Variants in TRIM36 observed in about 807,000 individuals in gnomAD.
The protein encoded by TRIM36 is E3 ubiquitin-protein ligase TRIM36.
Under a neutral mutation model 72.4 loss-of-function variants are expected in TRIM36, and 42 were observed. That is an observed-to-expected ratio of 0.58 (90% confidence interval 0.45 to 0.75). The LOEUF (loss-of-function observed/expected upper bound fraction) is 0.75, where lower values mean the gene tolerates loss of function less well. TRIM36 is among the 30% of genes least tolerant of loss of function. The probability of loss-of-function intolerance (pLI) is 0.00; values close to 1 mark genes in which losing one functional copy is unlikely to be tolerated. For synonymous variants in TRIM36, 315 were observed against 282.8 expected (o/e 1.11, Z -1.14); for missense variants, 913 against 857.1 (o/e 1.07, Z -0.81).
intron 1 of TRIM36, among the ~76,000 whole-genome samples, chr5:115,176,624 A>G (rs1755352284): frequency 6.6e-6 from 1 of 152,252 alleles, no homozygotes; most frequent in Admixed American, 6.5e-5. Flanking sequence ...ACAAAGAGAT[A>G]TACTAAAATT....
In TRIM36 at chr5:115,147,075, T is replaced by C. The variant is rs147965425; in HGVS notation, c.582A>G (p.Arg194=). 238 of 1,610,096 alleles carry C rather than the reference T, an allele frequency of 1.5e-4. No homozygotes were observed. The African/African-American group carries it at 2.7e-3, about 18-fold the overall frequency. ...HEYVGPTTNF[R]PKILMCPEHE... is the part of the protein sequence containing the mutation. ...TAATAAAAACTTCACTTACCTTGGG[T>C]CTGAAGTTAGTAGTTGGACCAACAT... The change falls in exon 3 of 10, where the codon AGA becomes AGG. Residue 194 remains arginine (R), a synonymous_variant. Coordinates refer to ENST00000513154, the MANE Select transcript of TRIM36 (RefSeq NM_001300759.2).
chr5:115,170,380 G>A (rs1755049136), upstream of TRIM36, among the ~76,000 whole-genome samples: 1 of 152,198 alleles, frequency 6.6e-6, no homozygotes, highest in Non-Finnish European at 1.5e-5. Context: ...TCGAAGCCCC[G>A]CTTCCAGGCT....
At chr5:115,140,735 ATCAT>A (rs1753232361) in intron 5 of TRIM36, among the ~76,000 whole-genome samples, 1 of 152,158 alleles carries the variant, frequency 6.6e-6, no homozygotes, top group African/African-American at 2.4e-5. Flanking sequence ...GCAGCTGCAG[ATCAT>A]TCATTCTTAT....
chr5:115,161,127 T>C (rs1249559099), intron 2 of TRIM36, among the ~76,000 whole-genome samples: 6 of 151,998 alleles, frequency 3.9e-5, no homozygotes, highest in Non-Finnish European at 1.5e-5. Flanking sequence ...GTGTTCGTGA[T>C]AAAGGACTAT....
Position 115,126,751 on chromosome 5 carries a change from T to C in TRIM36, c.1903A>G (p.Lys635Glu), listed in dbSNP as rs1261886385. 11 of 1,614,020 alleles carry C rather than the reference T, an allele frequency of 6.8e-6. No individual in the cohort carries two copies. The highest frequency in any genetic ancestry group is 9.3e-6 in the Non-Finnish European group (11 of 1,180,026). The change falls in exon 10 of 10, where the codon AAG (lysine) becomes GAG (glutamate). Residue 635 changes from lysine to glutamate, a missense_variant. Physicochemically the swap from Lys to Glu is moderately conservative, Grantham distance 56. Transcript: ENST00000513154. ...TIGMQKFFIP[K>E]SPTSSNEPEN... is the part of the protein sequence containing the mutation. ...GGTTCATTAGAAGAAGTAGGTGACT[T>C]GGGTATAAAAAATTTCTGCATGCCT...
chr5:115,170,034 A>C (rs1205908105), upstream of TRIM36: 1 of 991,716 alleles, frequency 1.0e-6, no homozygotes, highest in Non-Finnish European at 1.2e-6. Context: ...TGGGGCTGGT[A>C]GGCCGGGTGT....
intron 2 of TRIM36, among the ~76,000 whole-genome samples, chr5:115,154,126 C>G (rs976522072): frequency 2.0e-5 from 3 of 151,934 alleles, no homozygotes; most frequent in Non-Finnish European, 4.4e-5. Flanking sequence ...TTTAAAAATT[C>G]TTCAAGCTGC....
At chr5:115,160,675 C>A (rs113052683) in intron 2 of TRIM36, among the ~76,000 whole-genome samples, 1 of 152,016 alleles carries the variant, frequency 6.6e-6, no homozygotes, top group East Asian at 1.9e-4. Context: ...TTCTTCTCCA[C>A]AAAAAAAATT....
intron 2 of TRIM36, among the ~76,000 whole-genome samples, chr5:115,154,021 A>G (rs1406839724): frequency 6.6e-6 from 1 of 152,214 alleles, no homozygotes; most frequent in Non-Finnish European, 1.5e-5. Context: ...AATCAACTCC[A>G]CAAGGAAACT....
At position 115,147,054 on chromosome 5, in the gene TRIM36, A is replaced by G; in HGVS notation, c.588+15T>C. The G allele has an allele frequency of 6.3e-7, 1 of 1,591,918 alleles. No homozygotes were observed. The highest frequency in any genetic ancestry group is 1.1e-5 in the South Asian group (1 of 88,364). On this transcript the variant is annotated intron_variant, in intron 3 of 9. Transcript: ENST00000513154. ...AGTTAAAATAACATTCTAACTTAAT[A>G]AAAACTTCACTTACCTTGGGTCTGA...
chr5:115,147,592 C>G (rs1293960262), intron 2 of TRIM36, among the ~76,000 whole-genome samples, 198 bp from the exon 3 acceptor site: 1 of 152,050 alleles, frequency 6.6e-6, no homozygotes, highest in African/African-American at 2.4e-5. Context: ...CCCAAGTTAT[C>G]AAATCAAACA....
At chr5:115,163,412 A>C in intron 2 of TRIM36, 106 bp downstream of exon 2, 1 of 936,432 alleles carries the variant, frequency 1.1e-6, no homozygotes, top group Non-Finnish European at 1.6e-6. Context: ...CACCTGGAAA[A>C]ATTAACTCTC....
chr5:115,177,467 C>T, intron 1 of TRIM36: 2 of 1,136,958 alleles, frequency 1.8e-6, no homozygotes, highest in Non-Finnish European at 2.2e-6. Flanking sequence ...TTATTCTTTA[C>T]ATTACAAACC....
intron 2 of TRIM36, among the ~76,000 whole-genome samples, chr5:115,158,202 A>G (rs1318156244): frequency 6.6e-6 from 1 of 151,832 alleles, no homozygotes; most frequent in African/African-American, 2.4e-5. Flanking sequence ...ATGCAATTTT[A>G]TACATCAAAC....
intron 2 of TRIM36, among the ~76,000 whole-genome samples, chr5:115,158,861 C>T (rs1421264751): frequency 2.0e-5 from 3 of 152,084 alleles, no homozygotes; most frequent in South Asian, 2.1e-4. Flanking sequence ...AAGAATTACA[C>T]GTGGCTTCTA....
rs1753400529 is a variant in TRIM36 at position 115,143,528 on chromosome 5, G to A, written c.735+1070C>T. Reference sequence around the variant, plus strand: ...AAAAAATCAAAACTGACCTAGTAGTGAAACAGATGAGAGAATTAGTAGGCA... The same window carrying A: ...AAAAAATCAAAACTGACCTAGTAGTAAAACAGATGAGAGAATTAGTAGGCA... On this transcript the variant is annotated intron_variant, in intron 4 of 9. Coordinates refer to ENST00000513154, the MANE Select transcript of TRIM36 (RefSeq NM_001300759.2). Among the ~76,000 whole-genome samples the A allele has an allele frequency of 1.3e-5, 2 of 151,892 alleles. 1 individual carries two copies. Among genetic ancestry groups the A allele is most frequent in the South Asian group, 4.1e-4 (2 of 4,820 alleles).
intron 2 of TRIM36, chr5:115,153,684 T>C (rs1754014643): frequency 6.6e-6 from 1 of 152,304 alleles, no homozygotes; most frequent in Admixed American, 6.5e-5. Context: ...TTTTGTACTT[T>C]TAGCAGAGAC....
At chr5:115,138,641 G>A (rs1580653475) in intron 5 of TRIM36, among the ~76,000 whole-genome samples, 1 of 152,146 alleles carries the variant, frequency 6.6e-6, no homozygotes, top group East Asian at 1.9e-4. Flanking sequence ...ATACCACAGT[G>A]TCACATACTG....
At chr5:115,134,626 T>C (rs1561422118) in intron 7 of TRIM36, among the ~76,000 whole-genome samples, 1 of 152,108 alleles carries the variant, frequency 6.6e-6, no homozygotes, top group Non-Finnish European at 1.5e-5. Flanking sequence ...CTCCAACCTC[T>C]GTCTCCCAGG....
Sources: allele counts gnomAD v4.1 joint callset (sites outside exome capture counted in the v4.1 genomes callset), GRCh38; gene constraint gnomAD v4.1.1; transcripts MANE v1.5; gene names NCBI Gene and HGNC (gene_info 2026-07-23, HGNC 2026-07-21).